Variants in ABCB4 observed in about 807,000 individuals in gnomAD.
ABCB4 encodes the protein ATP binding cassette subfamily B member 4.
Under a neutral mutation model 145.7 loss-of-function variants are expected in ABCB4, and 76 were observed. That is an observed-to-expected ratio of 0.52 (90% confidence interval 0.43 to 0.63). The LOEUF (loss-of-function observed/expected upper bound fraction) is 0.63, where lower values mean the gene tolerates loss of function less well. Among genes scored for constraint, ABCB4 ranks in the 30% least tolerant of loss-of-function variants. ABCB4 has a pLI of 0.00. For synonymous variants in ABCB4, 517 were observed against 566.8 expected (o/e 0.91, Z 1.25); for missense variants, 1,234 against 1,553.1 (o/e 0.79, Z 3.45).
At chr7:87,430,617 C>T (rs968089190) in intron 15 of ABCB4, among the ~76,000 whole-genome samples, 18 of 151,632 alleles carry the variant, frequency 1.2e-4, no homozygotes, top group African/African-American at 4.1e-4. Flanking sequence ...CTCCACCTCC[C>T]GGATTCAAGC....
At chr7:87,451,916 T>G in intron 6 of ABCB4, 122 bp from the exon 7 acceptor site, 3 of 880,390 alleles carry the variant, frequency 3.4e-6, no homozygotes, top group Non-Finnish European at 5.7e-6. Flanking sequence ...TCTTTCAGAG[T>G]CTTAGCCTCT....
At chr7:87,398,698 G>GGAGT, downstream of ABCB4, 4 of 1,546,474 alleles carry the variant, frequency 2.6e-6, no homozygotes, top group South Asian at 4.6e-5. Context: ...CTGAGTGCTG[G>GGAGT]GAGTGAGTTG....
chr7:87,412,289 ATAT>A (rs755126615), intron 22 of ABCB4, among the ~76,000 whole-genome samples: 4 of 152,198 alleles, frequency 2.6e-5, no homozygotes, highest in Non-Finnish European at 4.4e-5. Flanking sequence ...ATGATAACTG[ATAT>A]TATTACATAT....
intron 3 of ABCB4, 46 bp from the exon 4 acceptor site, chr7:87,462,954 C>T: frequency 1.3e-6 from 2 of 1,533,840 alleles, no homozygotes; most frequent in Non-Finnish European, 1.8e-6. Context: ...AATGGAATTT[C>T]TCCTCTTCCA....
rs773702342 is a variant in ABCB4 at position 87,451,623 on chromosome 7, C to T, written c.708G>A (p.Lys236=). 6.2e-6 allele frequency: 10 copies of T among 1,614,008 alleles called. No homozygotes were observed. Among genetic ancestry groups the T allele is most frequent in the Admixed American group, 3.3e-5 (2 of 59,986 alleles). The stretch of plus-strand genomic sequence containing the variant: ...ATAAAAAGGCCCAGCTTTCACATAC[C>T]TTTGCCCAAACGGCTGCAGAGAGTC... ...ILGLSAAVWA[K]ILSAFSDKEL... Residue 236 remains lysine, a splice_region_variant and synonymous_variant, in exon 7 of 28, where the codon AAG becomes AAA. Coordinates refer to ENST00000649586, the MANE Select transcript of ABCB4 (RefSeq NM_000443.4).
the ABCB4 span, among the ~76,000 whole-genome samples, chr7:87,396,483 A>G: frequency 6.6e-5 from 10 of 152,196 alleles, no homozygotes; most frequent in Admixed American, 2.6e-4. Context: ...GGACCCTTCT[A>G]TGATAGGAGC....
At chr7:87,375,163 A>AT in the ABCB4 span, 36 of 153,012 alleles carry the variant, frequency 2.4e-4, no homozygotes, top group South Asian at 4.1e-4. Context: ...TGGTATTTCT[A>AT]TTTTTTTTTG....
chr7:87,372,852 C>T, the ABCB4 span, among the ~76,000 whole-genome samples: 1 of 152,096 alleles, frequency 6.6e-6, no homozygotes, highest in African/African-American at 2.4e-5. Context: ...AACTATTCAT[C>T]AGTTGATGGA....
intron 4 of ABCB4, among the ~76,000 whole-genome samples, chr7:87,462,336 A>G (rs1812513313): frequency 6.6e-6 from 1 of 151,950 alleles, no homozygotes; most frequent in Admixed American, 6.5e-5. Flanking sequence ...TGAAGGGGAG[A>G]GAAGAAAAGA....
At chr7:87,373,458 C>G in the ABCB4 span, among the ~76,000 whole-genome samples, 1,143 of 151,848 alleles carry the variant, frequency 7.5e-3, 33 homozygotes, top group East Asian at 0.1. Context: ...TTTGTTGTTA[C>G]ATGTGCTTTT....
At position 87,447,116 on chromosome 7, in the gene ABCB4, A is replaced by G. The variant is rs748838507; in HGVS notation, c.923T>C (p.Ile308Thr). Reference sequence around the variant, plus strand: ...GAAGGCCAGTGCATATGATGCATATATTAACAGGAAGGCAATACCCATGGA... The same window carrying G: ...GAAGGCCAGTGCATATGATGCATATGTTAACAGGAAGGCAATACCCATGGA... ...NISMGIAFLL[I>T]YASYALAFWY... Residue 308 changes from isoleucine to threonine, a missense_variant, in exon 9 of 28, where the codon ATA (isoleucine) becomes ACA (threonine). Physicochemically the swap from Ile to Thr is moderately conservative, Grantham distance 89. Transcript: ENST00000649586. 1 of 1,613,968 alleles carries G rather than the reference A, an allele frequency of 6.2e-7. No homozygotes were observed. The highest frequency in any genetic ancestry group is 1.1e-5 in the South Asian group (1 of 91,080).
In ABCB4 at chr7:87,417,092, T is replaced by C. The variant is rs756056391; in HGVS notation, c.2682+220A>G. 2.0e-4 allele frequency among the ~76,000 whole-genome samples: 30 copies of C among 152,256 alleles called. 1 individual carries two copies. In the South Asian group the frequency reaches 2.5e-3, roughly 13 times the overall value. On this transcript the variant is annotated intron_variant, in intron 21 of 27. Transcript: ENST00000649586. ...ATTCAGAAGTTCTTTATCATAACTA[T>C]GTTAAGTGCTTTCTATAGGCTCAAC...
At chr7:87,392,247 C>A in the ABCB4 span, among the ~76,000 whole-genome samples, 2 of 152,216 alleles carry the variant, frequency 1.3e-5, no homozygotes, top group East Asian at 3.9e-4. Flanking sequence ...TTTTATAGAA[C>A]TGCTTTATTG....
chr7:87,433,922 T>C (rs1237316791), intron 14 of ABCB4, among the ~76,000 whole-genome samples: 1 of 151,366 alleles, frequency 6.6e-6, no homozygotes, highest in Non-Finnish European at 1.5e-5. Context: ...CACCATAAAA[T>C]CACCGTTTTC....
intron 4 of ABCB4, among the ~76,000 whole-genome samples, chr7:87,458,918 G>A (rs1010858490): frequency 5.3e-5 from 8 of 150,304 alleles, no homozygotes; most frequent in African/African-American, 2.0e-4. Context: ...TCCCCAGAGA[G>A]ACCTTGAATT....
At chr7:87,454,653 GT>G in intron 4 of ABCB4, 61 bp from the exon 5 acceptor site, 1 of 1,239,316 alleles carries the variant, frequency 8.1e-7, no homozygotes, top group East Asian at 2.5e-5. Flanking sequence ...GCATTGCCAG[GT>G]TTTTAAAAAT....
intron 17 of ABCB4, chr7:87,423,605 T>A: frequency 2.5e-6 from 1 of 404,066 alleles, no homozygotes; most frequent in Non-Finnish European, 4.7e-6. Flanking sequence ...GTACCAGCTT[T>A]TCTACACAAA....
chr7:87,427,194 G>T (rs1432053531), intron 15 of ABCB4, among the ~76,000 whole-genome samples: 7 of 151,788 alleles, frequency 4.6e-5, no homozygotes, highest in Admixed American at 2.6e-4. Flanking sequence ...AATCCAGAAG[G>T]TATATAGGAA....
chr7:87,472,790 G>A, intron 2 of ABCB4, 115 bp from the exon 3 acceptor site: 1 of 804,352 alleles, frequency 1.2e-6, no homozygotes, highest in Non-Finnish European at 2.0e-6. Context: ...ATATAAGAGT[G>A]ATGTTCACAA....
Sources: allele counts gnomAD v4.1 joint callset (sites outside exome capture counted in the v4.1 genomes callset), GRCh38; gene constraint gnomAD v4.1.1; transcripts MANE v1.5; gene names NCBI Gene and HGNC (gene_info 2026-07-23, HGNC 2026-07-21).